The following ULK4 variants were observed in gnomAD, a reference collection of about 807,000 sequenced individuals.
ULK4 encodes the protein inactive serine/threonine-protein kinase ULK4.
A neutral mutation model predicts 160.6 loss-of-function variants in ULK4; 133 were observed. The observed-to-expected ratio is 0.83, with a 90% CI of 0.72 to 0.96. The LOEUF (loss-of-function observed/expected upper bound fraction) is 0.96, where lower values mean the gene tolerates loss of function less well. Ranked by LOEUF, ULK4 falls within the 40% of genes least tolerant of loss-of-function variation. The pLI is 0.00. For missense variants in ULK4, 1,580 were observed against 1,499.5 expected, an observed-to-expected ratio of 1.05 and a Z score of -0.89; for synonymous variants, 534 against 539.8, an observed-to-expected ratio of 0.99 and a Z score of 0.15.
chr3:41,552,998 G>A lies in ULK4; in HGVS notation c.3226+13027C>T, dbSNP rs373385562. On this transcript the variant is annotated intron_variant, in intron 32 of 36. Coordinates refer to ENST00000301831, the MANE Select transcript of ULK4 (RefSeq NM_017886.4). ...AACAATGATGCCAAAAACATACAAT[G>A]GAGATAGGGCTCCTTCTTCAATAAA... Among the ~76,000 whole-genome samples the A allele has an allele frequency of 6.4e-4, 98 of 152,146 alleles. 2 individuals are homozygous for A. In the South Asian group the frequency reaches 0.018, roughly 29 times the overall value.
At chr3:41,923,356 G>GCCA (rs1699262939) in intron 5 of ULK4, among the ~76,000 whole-genome samples, 1 of 151,800 alleles carries the variant, frequency 6.6e-6, no homozygotes, top group African/African-American at 2.4e-5. Context: ...AAAATTAGCT[G>GCCA]GGCATGGTGG....
chr3:41,723,364 C>T (rs2037541998), intron 22 of ULK4, among the ~76,000 whole-genome samples: 1 of 152,024 alleles, frequency 6.6e-6, no homozygotes, highest in South Asian at 2.1e-4. Flanking sequence ...TTATCTTCTT[C>T]CTCTTTGTCC....
intron 12 of ULK4, among the ~76,000 whole-genome samples, chr3:41,903,621 G>A (rs1698449887): frequency 1.3e-5 from 2 of 151,580 alleles, no homozygotes; most frequent in Admixed American, 6.6e-5. Flanking sequence ...TGAGTAAGGT[G>A]GACCAATTAA....
At chr3:41,252,600 G>C (rs943756129) in intron 35 of ULK4, among the ~76,000 whole-genome samples, 1 of 134,510 alleles carries the variant, frequency 7.4e-6, no homozygotes, top group African/African-American at 2.7e-5. Context: ...AATCTCAGCA[G>C]CAGAGATTGA....
At position 41,835,980 on chromosome 3, in the gene ULK4, A is replaced by C. The variant is rs777511005; in HGVS notation, c.1657-9T>G. 4 of 1,491,530 alleles carry C rather than the reference A, an allele frequency of 2.7e-6. No homozygotes were observed. Among genetic ancestry groups the C allele is most frequent in the South Asian group, 1.2e-5 (1 of 84,740 alleles). The allele number at this position is 1,491,530 out of a possible 1,614,324, so 92.4% of individuals were successfully genotyped here. On this transcript the variant is annotated splice_polypyrimidine_tract_variant and intron_variant, in intron 17 of 36. Transcript: ENST00000301831. ...GTTAAGAGAACAATTGCCTGCAAAG[A>C]CAAAAAAAAAAAAAGTAAATTATTT...
At position 41,370,302 on chromosome 3, in the gene ULK4, A is replaced by G. The variant is rs151082575; in HGVS notation, c.3678+27777T>C. Among the ~76,000 whole-genome samples the G allele has an allele frequency of 3.0e-3, 456 of 152,342 alleles. 1 individual carries two copies. The highest frequency in any genetic ancestry group is 4.3e-3 in the Non-Finnish European group (293 of 68,034). ...TAATGTTTCTAGAAGTGTTTCATAG[A>G]AAGAAACCAGAGACTATCACTTTAT... On this transcript the variant is annotated intron_variant, in intron 35 of 36. Transcript: ENST00000301831.
At chr3:41,798,661 C>T (rs754600170) in intron 20 of ULK4, among the ~76,000 whole-genome samples, 3 of 151,496 alleles carry the variant, frequency 2.0e-5, no homozygotes, top group Non-Finnish European at 2.9e-5. Flanking sequence ...AAAAGTGGGC[C>T]GGAAAAGAGC....
intron 27 of ULK4, among the ~76,000 whole-genome samples, chr3:41,695,113 G>A (rs1326625707): frequency 6.6e-6 from 1 of 152,146 alleles, no homozygotes. Context: ...GAAGTACAAA[G>A]GCCAAACCAA....
At chr3:41,275,449 A>G (rs1228935441) in intron 35 of ULK4, among the ~76,000 whole-genome samples, 1 of 152,260 alleles carries the variant, frequency 6.6e-6, no homozygotes, top group Non-Finnish European at 1.5e-5. Flanking sequence ...ACAAAACATT[A>G]GATCAAAAGA....
chr3:41,881,198 C>G (rs1297371548), intron 17 of ULK4, among the ~76,000 whole-genome samples: 1 of 147,696 alleles, frequency 6.8e-6, no homozygotes, highest in Non-Finnish European at 1.5e-5. Context: ...TCTGGAGAGA[C>G]TATAATGGTT....
chr3:41,776,528 A>G (rs1313614204), intron 21 of ULK4, among the ~76,000 whole-genome samples: 2 of 151,016 alleles, frequency 1.3e-5, no homozygotes, highest in Admixed American at 1.3e-4. Flanking sequence ...AAAGATGAAC[A>G]TTTCTATAAA....
At chr3:41,952,800 C>A (rs963624721) in intron 2 of ULK4, among the ~76,000 whole-genome samples, 4 of 152,096 alleles carry the variant, frequency 2.6e-5, no homozygotes, top group African/African-American at 9.7e-5. Flanking sequence ...AGTTAAAACA[C>A]GGAAGCAACT....
chr3:41,321,482 G>GT (rs1200423659), intron 35 of ULK4, among the ~76,000 whole-genome samples: 1 of 152,032 alleles, frequency 6.6e-6, no homozygotes, highest in East Asian at 1.9e-4. Flanking sequence ...GTTACAGTAG[G>GT]TAGTCAGACA....
chr3:41,477,866 T>G (rs1230861280), intron 32 of ULK4, among the ~76,000 whole-genome samples: 1 of 152,156 alleles, frequency 6.6e-6, no homozygotes, highest in East Asian at 1.9e-4. Flanking sequence ...ATCTATGAGG[T>G]TAAACATTTC....
intron 34 of ULK4, among the ~76,000 whole-genome samples, chr3:41,422,392 A>G (rs569728451): frequency 6.6e-6 from 1 of 152,250 alleles, no homozygotes; most frequent in African/African-American, 2.4e-5. Flanking sequence ...CACCTTGCAG[A>G]TTCCTATTCC....
In ULK4 at chr3:41,412,553, A is replaced by ATTTTTTTTTTTTTTTTTTT. The variant is rs57224854; in HGVS notation, c.3493-14308_3493-14290dup. Among the ~76,000 whole-genome samples the ATTTTTTTTTTTTTTTTTTT allele has an allele frequency of 8.7e-4, 87 of 100,416 alleles. 6 individuals carry two copies. Among genetic ancestry groups the ATTTTTTTTTTTTTTTTTTT allele is most frequent in the Admixed American group, 1.3e-3 (12 of 9,386 alleles). The allele number at this position is 100,416 out of a possible 152,430, so 65.9% of individuals were successfully genotyped here. ...TAAAGGTCAATGGCAATGCAGTTGA[A>ATTTTTTTTTTTTTTTTTTT]TTTTTTTTTTTTTTTTTTTTTTTTT... On this transcript the variant is annotated intron_variant, in intron 34 of 36. Coordinates refer to ENST00000301831, the MANE Select transcript of ULK4 (RefSeq NM_017886.4).
intron 19 of ULK4, among the ~76,000 whole-genome samples, chr3:41,807,805 A>C (rs183332075): frequency 6.6e-6 from 1 of 152,270 alleles, no homozygotes; most frequent in Admixed American, 6.5e-5. Context: ...CTTCCTTCCC[A>C]TTCCCATTTC....
intron 33 of ULK4, among the ~76,000 whole-genome samples, chr3:41,456,665 T>C (rs376845470): frequency 1.9e-4 from 29 of 152,320 alleles, no homozygotes; most frequent in South Asian, 6.2e-4. Context: ...GTATGGATTA[T>C]TTTTTCCATT....
At chr3:41,741,746 C>T (rs1488151980) in intron 22 of ULK4, among the ~76,000 whole-genome samples, 3 of 151,790 alleles carry the variant, frequency 2.0e-5, no homozygotes, top group Non-Finnish European at 2.9e-5. Context: ...AAGTACTATC[C>T]CACCAACTCT....
Sources: allele counts gnomAD v4.1 joint callset (sites outside exome capture counted in the v4.1 genomes callset), GRCh38; gene constraint gnomAD v4.1.1; transcripts MANE v1.5; gene names NCBI Gene and HGNC (gene_info 2026-07-23, HGNC 2026-07-21).